Variants in USO1 observed in about 807,000 individuals in gnomAD.
USO1 encodes USO1 vesicle transport factor.
USO1 carries 57 observed loss-of-function variants against 124.5 expected under a neutral mutation model. The observed-to-expected ratio is 0.46, with a 90% confidence interval of 0.37 to 0.57. The LOEUF (loss-of-function observed/expected upper bound fraction) is 0.57, where lower values mean the gene tolerates loss of function less well. Among genes scored for constraint, USO1 ranks in the 20% least tolerant of loss-of-function variants. The pLI is 0.00. For synonymous variants in USO1, 369 were observed against 362.8 expected, an observed-to-expected ratio of 1.02 and a Z score of -0.19; for missense variants, 900 against 1,040.6, an observed-to-expected ratio of 0.86 and a Z score of 1.86.
rs755331532 is a variant in USO1 at position 75,812,228 on chromosome 4, C to G, written c.2652C>G (p.Thr884=). The G allele has an allele frequency of 1.2e-6, 2 of 1,610,004 alleles. No homozygotes were observed. Among genetic ancestry groups the G allele is most frequent in the African/African-American group, 2.7e-5 (2 of 74,836 alleles). ...AGCAGCTGGATTCATCTAATAGTAC[C>G]ATTGCCATTTTACAAACTGAGAAAG... ...IKEQLDSSNS[T]IAILQTEKDK... is the part of the protein sequence containing the mutation. The change falls in exon 23 of 24, where the codon ACC becomes ACG. Residue 884 remains threonine (T), a synonymous_variant. Transcript: ENST00000514213.
chr4:75,726,282 A>AG (rs1491492749), intron 1 of USO1, among the ~76,000 whole-genome samples: 1 of 61,810 alleles, frequency 1.6e-5, no homozygotes, highest in Non-Finnish European at 2.9e-5. Flanking sequence ...ACTCTGTCTC[A>AG]AAAAAAAAAA....
Position 75,724,793 on chromosome 4 carries a change from C to G in USO1, c.-27C>G, listed in dbSNP as rs775301099. 3.7e-6 allele frequency: 6 copies of G among 1,613,040 alleles called. No individual in the cohort carries two copies. The East Asian group carries it at 6.7e-5, about 18-fold the overall frequency. On this transcript the variant is annotated 5_prime_UTR_variant, in exon 1 of 24. Coordinates refer to ENST00000514213, the MANE Select transcript of USO1 (RefSeq NM_003715.4). ...TGTCTTCTTTTTTTTCCGGAGGGGC[C>G]GGTAAACCTGGTGGCTGAACGGCAA...
intron 1 of USO1, among the ~76,000 whole-genome samples, chr4:75,735,296 A>G (rs1720757054): frequency 6.6e-6 from 1 of 152,070 alleles, no homozygotes; most frequent in Admixed American, 6.6e-5. Flanking sequence ...TTGTATCCTG[A>G]AACATTATTG....
chr4:75,736,392 C>T (rs1329801016), intron 1 of USO1, among the ~76,000 whole-genome samples: 1 of 133,564 alleles, frequency 7.5e-6, no homozygotes, highest in Admixed American at 8.8e-5. Context: ...ACTGGGTTCT[C>T]AGCTCACCTC....
chr4:75,745,260 A>G (rs1352532303), intron 1 of USO1: 4 of 493,226 alleles, frequency 8.1e-6, no homozygotes, highest in Non-Finnish European at 1.6e-5. Context: ...GCTTCTGATT[A>G]TAACTTTCCC....
At position 75,782,871 on chromosome 4, in the gene USO1, T is replaced by TA; in HGVS notation, c.855+14dup. 6.4e-7 allele frequency: 1 copy of TA among 1,553,826 alleles called. No homozygotes were observed. The highest frequency in any genetic ancestry group is 8.6e-7 in the Non-Finnish European group (1 of 1,161,102). On this transcript the variant is annotated intron_variant, in intron 9 of 23. Transcript: ENST00000514213. ...TCTAATGCTACAGGTATACTATCCT[T>TA]AGACATAAATGTGGTAAGAATTTTG... is the stretch of plus-strand genomic sequence containing the variant.
chr4:75,732,429 C>G (rs1201448614), intron 1 of USO1, among the ~76,000 whole-genome samples: 1 of 152,178 alleles, frequency 6.6e-6, no homozygotes, highest in East Asian at 1.9e-4. Flanking sequence ...CCTAGGTTGA[C>G]TCCACATCTT....
In USO1 at chr4:75,742,280, C is replaced by A. The variant is rs142253097; in HGVS notation, c.67-10093C>A. On this transcript the variant is annotated intron_variant, in intron 1 of 23. Transcript: ENST00000514213. ...GGCAGTGCAGTGGGTTTGTTTACACCAGCATCACCACAAACACATGAGTAA... is the reference window on the plus strand; with the variant it reads ...GGCAGTGCAGTGGGTTTGTTTACACAAGCATCACCACAAACACATGAGTAA... Among the ~76,000 whole-genome samples the A allele has an allele frequency of 5.7e-3, 873 of 152,276 alleles. 16 individuals carry two copies. Among genetic ancestry groups the A allele is most frequent in the African/African-American group, 0.02 (817 of 41,566 alleles).
chr4:75,782,855 A>T lies in USO1; in HGVS notation c.852A>T (p.Leu284=). The T allele has an allele frequency of 6.3e-7, 1 of 1,586,070 alleles. No homozygotes were observed. The highest frequency in any genetic ancestry group is 8.5e-7 in the Non-Finnish European group (1 of 1,172,032). Residue 284 remains leucine (L), a synonymous_variant, in exon 9 of 24, where the codon CTA becomes CTT. Coordinates refer to ENST00000514213, the MANE Select transcript of USO1 (RefSeq NM_003715.4). ...AAGTGACCAATCTACATCTAATGCT[A>T]CAGGTATACTATCCTTAGACATAAA... ...AQKVTNLHLM[L]QLVRVLVSPT... is the part of the protein sequence containing the mutation.
chr4:75,741,273 T>C (rs543688470), intron 1 of USO1, among the ~76,000 whole-genome samples: 123 of 152,306 alleles, frequency 8.1e-4, no homozygotes, highest in African/African-American at 2.8e-3. Context: ...TATAGGTCGC[T>C]TAATCATGAA....
intron 1 of USO1, among the ~76,000 whole-genome samples, chr4:75,731,137 A>G (rs1001150226): frequency 6.6e-6 from 1 of 152,218 alleles, no homozygotes; most frequent in African/African-American, 2.4e-5. Context: ...TTTGTCTACA[A>G]AGAGACTTGT....
At chr4:75,739,377 G>A (rs1371092998) in intron 1 of USO1, among the ~76,000 whole-genome samples, 2 of 151,958 alleles carry the variant, frequency 1.3e-5, no homozygotes, top group Non-Finnish European at 2.9e-5. Context: ...ATTTGTAGAT[G>A]GTACAGCAGT....
At chr4:75,805,449 G>A in intron 19 of USO1, 146 bp downstream of exon 19, 1 of 1,216,612 alleles carries the variant, frequency 8.2e-7, no homozygotes, top group South Asian at 1.9e-5. Context: ...GCTTACGCCT[G>A]TAATCCTAGC....
At chr4:75,787,324 A>G in intron 10 of USO1, 122 bp downstream of exon 10, 2 of 1,231,458 alleles carry the variant, frequency 1.6e-6, no homozygotes, top group Non-Finnish European at 2.1e-6. Flanking sequence ...AAAATTTTTA[A>G]TGATCTTACT....
In USO1 at chr4:75,773,065, T is replaced by G. The variant is rs566101248; in HGVS notation, c.556-1611T>G. ...GTGAGCTGAGACTGTGCCATTGCACTCCAGCGTGGGCAACAAGAAAGTAAC... is the reference window on the plus strand; with the variant it reads ...GTGAGCTGAGACTGTGCCATTGCACGCCAGCGTGGGCAACAAGAAAGTAAC... On this transcript the variant is annotated intron_variant, in intron 7 of 23. Transcript: ENST00000514213. 4.5e-4 allele frequency among the ~76,000 whole-genome samples: 68 copies of G among 152,244 alleles called. 3 individuals are homozygous for G. In the South Asian group the frequency reaches 0.014, roughly 32 times the overall value.
chr4:75,795,482 C>T (rs762733587), intron 13 of USO1: 47 of 645,192 alleles, frequency 7.3e-5, no homozygotes, highest in Non-Finnish European at 1.1e-4. Context: ...CACACTTTTG[C>T]GTGTCAGCCA....
chr4:75,762,998 G>A (rs1721665528), intron 4 of USO1, among the ~76,000 whole-genome samples: 1 of 152,196 alleles, frequency 6.6e-6, no homozygotes, highest in Non-Finnish European at 1.5e-5. Context: ...AAGATTATTT[G>A]ATATTTCTTC....
chr4:75,808,473 T>A (rs324686), intron 20 of USO1, among the ~76,000 whole-genome samples: 98,353 of 151,912 alleles, frequency 0.65, 34,026 homozygotes, highest in East Asian at 0.91. Flanking sequence ...GTACTTCCAG[T>A]GGTATCTAAT....
At chr4:75,785,936 G>A (rs1722349830) in intron 9 of USO1, among the ~76,000 whole-genome samples, 1 of 152,074 alleles carries the variant, frequency 6.6e-6, no homozygotes, top group Non-Finnish European at 1.5e-5. Flanking sequence ...AAAGTCCAAG[G>A]ACAGGAACCA....
Sources: allele counts gnomAD v4.1 joint callset (sites outside exome capture counted in the v4.1 genomes callset), GRCh38; gene constraint gnomAD v4.1.1; transcripts MANE v1.5; gene names NCBI Gene and HGNC (gene_info 2026-07-23, HGNC 2026-07-21).